The following EPHA5 variants were observed in gnomAD, a reference collection of about 807,000 sequenced individuals.
EPHA5 encodes ephrin type-A receptor 5.
Under a neutral mutation model 105.0 loss-of-function variants are expected in EPHA5, and 60 were observed. The ratio of observed to expected loss-of-function variants is 0.57; its 90% CI spans 0.46 to 0.71. The LOEUF is 0.71. Ranked by LOEUF, EPHA5 falls within the 30% of genes least tolerant of loss-of-function variation. The probability of loss-of-function intolerance (pLI) is 0.00; values close to 1 mark genes in which losing one functional copy is unlikely to be tolerated. For synonymous variants in EPHA5, 513 were observed against 449.1 expected (o/e 1.14, Z -1.80); for missense variants, 1,218 against 1,274.7 (o/e 0.96, Z 0.68).
intron 3 of EPHA5, among the ~76,000 whole-genome samples, chr4:65,531,510 C>T (rs973556485): frequency 2.7e-5 from 4 of 146,046 alleles, no homozygotes; most frequent in Admixed American, 7.1e-5. Context: ...AGAGGATATA[C>T]TGAGATGTCT....
At chr4:65,491,342 T>C (rs1255532055) in intron 4 of EPHA5, among the ~76,000 whole-genome samples, 1 of 152,128 alleles carries the variant, frequency 6.6e-6, no homozygotes, top group Non-Finnish European at 1.5e-5. Context: ...TACTTTGATA[T>C]TGTTTTTATA....
intron 8 of EPHA5, among the ~76,000 whole-genome samples, chr4:65,399,951 C>T (rs941892369): frequency 2.0e-5 from 3 of 152,172 alleles, no homozygotes; most frequent in Admixed American, 2.0e-4. Context: ...TTAAGCTTTT[C>T]ATCAGCCTCT....
At chr4:65,429,607 T>G (rs913686797) in intron 5 of EPHA5, among the ~76,000 whole-genome samples, 1 of 152,036 alleles carries the variant, frequency 6.6e-6, no homozygotes, top group Admixed American at 6.6e-5. Context: ...TCATTTTCCT[T>G]TCTCACTTCT....
intron 15 of EPHA5, among the ~76,000 whole-genome samples, chr4:65,333,530 AGT>A (rs1720863920): frequency 8.2e-6 from 1 of 122,544 alleles, no homozygotes; most frequent in East Asian, 2.5e-4. Context: ...TGCGTGTGAG[AGT>A]GTGTGTCTGT....
At chr4:65,619,083 G>A (rs1406266884) in intron 2 of EPHA5, among the ~76,000 whole-genome samples, 1 of 152,064 alleles carries the variant, frequency 6.6e-6, no homozygotes, top group Non-Finnish European at 1.5e-5. Context: ...TGAGCACAGA[G>A]GTTGCAGTGA....
Position 65,336,010 on chromosome 4 carries a change from A to T in EPHA5, c.2711T>A (p.Phe904Tyr). 1 of 1,613,336 alleles carries T rather than the reference A, an allele frequency of 6.2e-7. No homozygotes were observed. Among genetic ancestry groups the T allele is most frequent in the South Asian group, 1.1e-5 (1 of 91,068 alleles). Reference sequence around the variant, plus strand: ...GTCCAACATGTTGACTATTTCATCAAACTTGGGCCTGCTATTTCGCTCTTT... The same window carrying T: ...GTCCAACATGTTGACTATTTCATCATACTTGGGCCTGCTATTTCGCTCTTT... ...WQKERNSRPK[F>Y]DEIVNMLDKL... is the part of the protein sequence containing the mutation. The change falls in exon 15 of 17, where the codon TTT becomes TAT. Residue 904 changes from phenylalanine (F) to tyrosine (Y), a missense_variant. Physicochemically the swap from Phe to Tyr is conservative, Grantham distance 22. Transcript: ENST00000613740.
chr4:65,669,904 C>G lies in EPHA5; in HGVS notation c.-162G>C. 1 of 1,100,584 alleles carries G rather than the reference C, an allele frequency of 9.1e-7. No individual in the cohort carries two copies. The allele number at this position is 1,100,584 out of a possible 1,614,324, so 68.2% of individuals were successfully genotyped here. ...CCAAATGTAGGAACCACGGATCCGG[C>G]TGAGACAGCTGAAGTTTGCTTCTGG... On this transcript the variant is annotated 5_prime_UTR_variant, in exon 1 of 17. Coordinates refer to ENST00000613740, the MANE Select transcript of EPHA5 (RefSeq NM_001281766.3).
At chr4:65,455,445 T>C (rs1727489775) in intron 5 of EPHA5, among the ~76,000 whole-genome samples, 1 of 152,128 alleles carries the variant, frequency 6.6e-6, no homozygotes, top group African/African-American at 2.4e-5. Flanking sequence ...AGAATACTTA[T>C]CATAAATATT....
intron 5 of EPHA5, among the ~76,000 whole-genome samples, chr4:65,425,084 C>T (rs1215485567): frequency 1.3e-5 from 2 of 151,848 alleles, no homozygotes; most frequent in African/African-American, 2.4e-5. Context: ...GATTTATATA[C>T]CCATATTTTA....
chr4:65,397,861 C>T (rs533981534), intron 8 of EPHA5, among the ~76,000 whole-genome samples: 2 of 152,254 alleles, frequency 1.3e-5, no homozygotes, highest in Admixed American at 1.3e-4. Context: ...TAGTCATTGT[C>T]CCTATCCTAA....
At position 65,520,000 on chromosome 4, in the gene EPHA5, C is replaced by A. The variant is rs562771219; in HGVS notation, c.911-24457G>T. On this transcript the variant is annotated intron_variant, in intron 3 of 16. Coordinates refer to ENST00000613740, the MANE Select transcript of EPHA5 (RefSeq NM_001281766.3). ...GCCATCCCCATCAAGCTACCAATGA[C>A]TTTCTTCACAGAATTGGAAAAAACT... 2.1e-3 allele frequency among the ~76,000 whole-genome samples: 320 copies of A among 152,278 alleles called. 1 individual carries two copies. The highest frequency in any genetic ancestry group is 7.0e-3 in the African/African-American group (293 of 41,566).
intron 3 of EPHA5, among the ~76,000 whole-genome samples, chr4:65,565,183 C>G (rs1342328692): frequency 3.3e-5 from 5 of 151,598 alleles, no homozygotes; most frequent in Non-Finnish European, 7.4e-5. Flanking sequence ...TTTCTATAAC[C>G]AACTTTTCCA....
At chr4:65,527,896 G>A (rs11936749) in intron 3 of EPHA5, among the ~76,000 whole-genome samples, 55,971 of 151,722 alleles carry the variant, frequency 0.37, 10,476 homozygotes, top group Non-Finnish European at 0.38. Context: ...CTACGTGTCC[G>A]TTTGTTCTCA....
At chr4:65,624,443 G>A (rs1237162514) in intron 2 of EPHA5, among the ~76,000 whole-genome samples, 1 of 152,104 alleles carries the variant, frequency 6.6e-6, no homozygotes, top group East Asian at 1.9e-4. Flanking sequence ...ACAGACAGGG[G>A]CAAGAACTTT....
intron 11 of EPHA5, among the ~76,000 whole-genome samples, chr4:65,354,564 T>C (rs1387073712): frequency 6.6e-6 from 1 of 151,750 alleles, no homozygotes; most frequent in Admixed American, 6.6e-5. Context: ...AATTAACTTT[T>C]TAATTTATGA....
At position 65,430,008 on chromosome 4, in the gene EPHA5, C is replaced by A. The variant is rs1031998494; in HGVS notation, c.1403-9443G>T. 2.6e-5 allele frequency among the ~76,000 whole-genome samples: 4 copies of A among 151,924 alleles called. No individual in the cohort carries two copies. In the East Asian group the frequency reaches 5.8e-4, roughly 22 times the overall value. On this transcript the variant is annotated intron_variant, in intron 5 of 16. Transcript: ENST00000613740. Reference sequence around the variant, plus strand: ...GGATTAGTGATTGCAGCTGGTCAACCTTTTAAAGTCCAGAAAAAAAGCCAA... The same window carrying A: ...GGATTAGTGATTGCAGCTGGTCAACATTTTAAAGTCCAGAAAAAAAGCCAA...
chr4:65,629,596 G>T (rs1054130641), intron 2 of EPHA5, among the ~76,000 whole-genome samples: 2 of 151,994 alleles, frequency 1.3e-5, no homozygotes, highest in Non-Finnish European at 2.9e-5. Flanking sequence ...ATTTCACATT[G>T]GTAACTATTT....
intron 3 of EPHA5, among the ~76,000 whole-genome samples, chr4:65,523,221 C>T (rs757499639): frequency 1.1e-4 from 16 of 151,892 alleles, no homozygotes; most frequent in Admixed American, 2.6e-4. Context: ...TTACATATTG[C>T]CAGAAGCCCA....
chr4:65,589,053 A>T (rs1265685945), intron 3 of EPHA5, among the ~76,000 whole-genome samples: 1 of 152,196 alleles, frequency 6.6e-6, no homozygotes, highest in African/African-American at 2.4e-5. Context: ...AATATTTAAA[A>T]TCTAATCCAA....
Sources: gnomAD v4.1 joint callset for allele counts (sites outside exome capture counted in the v4.1 genomes callset) on GRCh38, gnomAD v4.1.1 for gene constraint, MANE v1.5 for transcripts, NCBI Gene and HGNC (gene_info 2026-07-23, HGNC 2026-07-21) for gene names.